The following KIFC3 variants were observed in gnomAD, a reference collection of about 807,000 sequenced individuals.
The protein encoded by KIFC3 is kinesin-like protein KIFC3.
A neutral mutation model predicts 101.8 loss-of-function variants in KIFC3; 60 were observed. The observed-to-expected ratio is 0.59, with a 90% CI of 0.48 to 0.73. KIFC3 has a LOEUF of 0.73. Ranked by LOEUF, KIFC3 falls within the 30% of genes least tolerant of loss-of-function variation. KIFC3 has a pLI of 0.00. For missense variants in KIFC3, 966 were observed against 1,137.1 expected, an observed-to-expected ratio of 0.85 and a Z score of 2.16; for synonymous variants, 476 against 482.7, an observed-to-expected ratio of 0.99 and a Z score of 0.18.
intron 1 of KIFC3, chr16:57,798,509 A>T (rs1196137769): frequency 1.2e-5 from 7 of 585,058 alleles, no homozygotes; most frequent in African/African-American, 1.2e-4. Flanking sequence ...CCGAAGTGCG[A>T]AAGTTGCATA....
chr16:57,759,033 C>G, intron 19 of KIFC3, 92 bp downstream of exon 19: 11 of 1,543,948 alleles, frequency 7.1e-6, no homozygotes, highest in Non-Finnish European at 9.6e-6. Context: ...GGGGCTAGAC[C>G]CAGCTCTGAA....
chr16:57,778,366 T>A (rs1486696422), intron 3 of KIFC3, among the ~76,000 whole-genome samples: 1 of 152,138 alleles, frequency 6.6e-6, no homozygotes, highest in Non-Finnish European at 1.5e-5. Context: ...GAAAATGTCA[T>A]GACATTAAAT....
upstream of KIFC3, among the ~76,000 whole-genome samples, chr16:57,805,508 G>T: frequency 6.6e-6 from 1 of 152,014 alleles, no homozygotes; most frequent in East Asian, 1.9e-4. Flanking sequence ...CCTTCCTGCC[G>T]AACTCTGGCA....
intron 1 of KIFC3, among the ~76,000 whole-genome samples, chr16:57,846,695 A>G (rs1193535860): frequency 6.6e-6 from 1 of 152,232 alleles, no homozygotes; most frequent in Non-Finnish European, 1.5e-5. Flanking sequence ...AAGGCTGTAC[A>G]ACCGATCCAC....
chr16:57,815,600 C>G, intron 1 of KIFC3: 2 of 1,289,956 alleles, frequency 1.6e-6, no homozygotes, highest in Non-Finnish European at 2.0e-6. Flanking sequence ...GGGGGTGCCC[C>G]CACATGGCTG....
At chr16:57,836,355 C>T (rs1555480356) in intron 1 of KIFC3, among the ~76,000 whole-genome samples, 1 of 152,162 alleles carries the variant, frequency 6.6e-6, no homozygotes, top group African/African-American at 2.4e-5. Context: ...TCAAGAGATC[C>T]TCCCACCTCA....
In KIFC3 at chr16:57,769,827, A is replaced by C. The variant is rs782197991; in HGVS notation, c.1068T>G (p.Ala356=). Residue 356 remains alanine, a synonymous_variant, in exon 8 of 20, where the codon GCT becomes GCG. Transcript: ENST00000445690. The surrounding 1 kb of genome is among the most constrained non-coding windows in gnomAD (Gnocchi z 4.3). ...GCTCACCTGCTAGATTCTCGTGCAC[A>C]GCCTTCATCTCCACCTGGGCTCTGG... The part of the protein sequence containing the change: ...AFARAQVEMK[A]VHENLAGVRT... 3.7e-6 allele frequency: 6 copies of C among 1,613,520 alleles called. No homozygotes were observed. Among genetic ancestry groups the C allele is most frequent in the Non-Finnish European group, 5.1e-6 (6 of 1,179,998 alleles).
At chr16:57,856,499 GGGA>G (rs1462365202) in intron 1 of KIFC3, among the ~76,000 whole-genome samples, 1 of 144,028 alleles carries the variant, frequency 6.9e-6, no homozygotes, top group Non-Finnish European at 1.5e-5. Context: ...GAGGGAGGGA[GGGA>G]GGGAGGAAGG....
At chr16:57,832,480 A>C (rs2055603972) in intron 1 of KIFC3, among the ~76,000 whole-genome samples, 1 of 151,630 alleles carries the variant, frequency 6.6e-6, no homozygotes, top group Admixed American at 6.6e-5. Context: ...ATACCCGGCT[A>C]ATTTTTGTAT....
At chr16:57,759,287 G>C in intron 18 of KIFC3, 134 bp from the exon 19 acceptor site, 2 of 1,076,778 alleles carry the variant, frequency 1.9e-6, no homozygotes, top group African/African-American at 1.6e-5. Context: ...ACAGGGGCTG[G>C]AGCCCTGGGT....
rs957198880 is a variant in KIFC3, at chr16:57,788,440, C to G, written c.315+6559G>C. On this transcript the variant is annotated intron_variant, in intron 3 of 19. Transcript: ENST00000445690. Reference sequence around the variant, plus strand: ...AGGCTGGGGGATTGCAGCTGCGGATCAGGCAGCTGGAGTCTGTCTAGGCCA... The same window carrying G: ...AGGCTGGGGGATTGCAGCTGCGGATGAGGCAGCTGGAGTCTGTCTAGGCCA... The G allele has an allele frequency of 1.6e-4, 111 of 708,390 alleles. No individual in the cohort carries two copies. In the African/African-American group the frequency reaches 2.0e-3, roughly 13 times the overall value. The allele number at this position is 708,390 out of a possible 1,614,324, so 43.9% of individuals were successfully genotyped here.
chr16:57,855,322 A>T (rs1432863811), intron 1 of KIFC3, among the ~76,000 whole-genome samples: 1 of 151,894 alleles, frequency 6.6e-6, no homozygotes, highest in East Asian at 1.9e-4. Flanking sequence ...ATAGGATTTC[A>T]CCATATTGGC....
At position 57,769,496 on chromosome 16, in the gene KIFC3, G is replaced by A. The variant is rs1220931063; in HGVS notation, c.1218+99C>T. On this transcript the variant is annotated intron_variant, in intron 9 of 19. Transcript: ENST00000445690. The surrounding 1 kb of genome is among the most constrained non-coding windows in gnomAD (Gnocchi z 4.3). ...GTGGGGCAGGGGCTGCTGTCTGAGC[G>A]GCTTTGTCTGAGCTTTGGAGGGACG... 2.8e-5 allele frequency: 41 copies of A among 1,457,066 alleles called. No homozygotes were observed. The East Asian group carries it at 5.3e-4, about 19-fold the overall frequency. The allele number at this position is 1,457,066 out of a possible 1,614,324, so 90.3% of individuals were successfully genotyped here.
At chr16:57,829,375 C>T (rs190860113) in intron 1 of KIFC3, among the ~76,000 whole-genome samples, 1 of 151,988 alleles carries the variant, frequency 6.6e-6, no homozygotes, top group Non-Finnish European at 1.5e-5. Flanking sequence ...CACCTCAGTT[C>T]CCTGAGTAGC....
chr16:57,847,801 TGTGA>T (rs1377679810), intron 1 of KIFC3, among the ~76,000 whole-genome samples: 7 of 147,468 alleles, frequency 4.7e-5, no homozygotes, highest in African/African-American at 1.3e-4. Context: ...TGTGTGTGTG[TGTGA>T]GACCGAGTCT....
chr16:57,860,514 T>G (rs1376812658), intron 1 of KIFC3, among the ~76,000 whole-genome samples: 2 of 152,130 alleles, frequency 1.3e-5, no homozygotes, highest in African/African-American at 4.8e-5. Flanking sequence ...CTTACATATG[T>G]TCATTCATTA....
At chr16:57,844,904 G>A (rs1033752796) in intron 1 of KIFC3, among the ~76,000 whole-genome samples, 1 of 152,188 alleles carries the variant, frequency 6.6e-6, no homozygotes, top group South Asian at 2.1e-4. Context: ...AAGGCTTAGA[G>A]GACAGGATCT....
intron 1 of KIFC3, among the ~76,000 whole-genome samples, chr16:57,843,809 G>A (rs1196519403): frequency 6.6e-6 from 1 of 152,100 alleles, no homozygotes. Flanking sequence ...CTCCACCCTG[G>A]AGATGTTTCT....
chr16:57,846,663 G>C (rs2055926559), intron 1 of KIFC3: 1 of 152,242 alleles, frequency 6.6e-6, no homozygotes. Context: ...CAGATTAGAA[G>C]TGTCACCCCT....
Sources: gnomAD v4.1 joint callset for allele counts (sites outside exome capture counted in the v4.1 genomes callset) on GRCh38, gnomAD v4.1.1 for gene constraint, Gnocchi (gnomAD v3.1) non-coding constraint, MANE v1.5 for transcripts, NCBI Gene and HGNC (gene_info 2026-07-23, HGNC 2026-07-21) for gene names.